Variants in FAXC observed in about 807,000 individuals in gnomAD.
FAXC encodes failed axon connections homolog.
FAXC carries 10 observed loss-of-function variants against 41.9 expected under a neutral mutation model. That is an observed-to-expected ratio of 0.24 (90% confidence interval 0.15 to 0.41). The LOEUF (loss-of-function observed/expected upper bound fraction) is 0.41, where lower values mean the gene tolerates loss of function less well. FAXC is among the 10% of genes least tolerant of loss of function. The pLI is 1.00. For missense variants in FAXC, 399 were observed against 510.9 expected (o/e 0.78, Z 2.11); for synonymous variants, 183 against 183.8 (o/e 1.00, Z 0.03).
intron 5 of FAXC, among the ~76,000 whole-genome samples, chr6:99,288,787 C>T (rs1040973517): frequency 6.6e-6 from 1 of 151,750 alleles, no homozygotes; most frequent in South Asian, 2.1e-4. Flanking sequence ...ATAAGAGGAT[C>T]TGGAGAGTGA....
intron 4 of FAXC, among the ~76,000 whole-genome samples, chr6:99,293,665 A>AGTGTGTGT (rs55827992): frequency 0.032 from 3,999 of 123,106 alleles, 123 homozygotes; most frequent in African/African-American, 0.035. Flanking sequence ...CTCTATACAC[A>AGTGTGTGT]GTGTGTGTGT....
chr6:99,282,185 G>T (rs984749250), intron 5 of FAXC, among the ~76,000 whole-genome samples: 1 of 152,086 alleles, frequency 6.6e-6, no homozygotes, highest in African/African-American at 2.4e-5. Flanking sequence ...TATCAAGAGA[G>T]CTAATGCTGT....
At chr6:99,347,182 G>A (rs773125622) in intron 1 of FAXC, among the ~76,000 whole-genome samples, 17 of 152,062 alleles carry the variant, frequency 1.1e-4, no homozygotes, top group South Asian at 2.1e-4. Flanking sequence ...CCAGAGGATC[G>A]CTTGATCCCA....
At chr6:99,306,172 G>A (rs1356770190) in intron 4 of FAXC, among the ~76,000 whole-genome samples, 4 of 152,136 alleles carry the variant, frequency 2.6e-5, no homozygotes, top group African/African-American at 9.7e-5. Flanking sequence ...GGCAGGGGAA[G>A]AGTTAAGGCA....
At chr6:99,296,360 G>T (rs1212216033) in intron 4 of FAXC, among the ~76,000 whole-genome samples, 1 of 152,076 alleles carries the variant, frequency 6.6e-6, no homozygotes, top group Non-Finnish European at 1.5e-5. Flanking sequence ...GAGGCACTGT[G>T]AGCTTCATTT....
At chr6:99,304,925 G>C (rs1168328390) in intron 4 of FAXC, among the ~76,000 whole-genome samples, 1 of 152,224 alleles carries the variant, frequency 6.6e-6, no homozygotes, top group Non-Finnish European at 1.5e-5. Context: ...GGGAGGTTAG[G>C]AAGAACCTTA....
At chr6:99,286,030 C>T (rs1771017223) in intron 5 of FAXC, among the ~76,000 whole-genome samples, 1 of 152,200 alleles carries the variant, frequency 6.6e-6, no homozygotes, top group African/African-American at 2.4e-5. Context: ...CCTGCCAGCC[C>T]TTGGTCACGA....
intron 4 of FAXC, among the ~76,000 whole-genome samples, chr6:99,311,212 A>G (rs1772141645): frequency 6.6e-6 from 1 of 152,158 alleles, no homozygotes; most frequent in East Asian, 1.9e-4. Flanking sequence ...GAGACAACCA[A>G]TCTCTACTTT....
Position 99,297,507 on chromosome 6 carries a change from G to A in FAXC, c.824-5687C>T, listed in dbSNP as rs141873307. On this transcript the variant is annotated intron_variant, in intron 4 of 5. Transcript: ENST00000389677. ...GAGCAAGGGAACCAAGAGAATAGGA[G>A]GGGACAAGCAGAGAGCCACATGCCC... Among the ~76,000 whole-genome samples the A allele has an allele frequency of 1.2e-3, 179 of 152,258 alleles. 1 individual carries two copies. Among genetic ancestry groups the A allele is most frequent in the East Asian group, 8.9e-3 (46 of 5,158 alleles).
At chr6:99,314,060 T>C (rs577769371) in intron 4 of FAXC, among the ~76,000 whole-genome samples, 2 of 152,242 alleles carry the variant, frequency 1.3e-5, no homozygotes, top group East Asian at 3.9e-4. Context: ...CTATTCACAG[T>C]TGTAATCACA....
intron 5 of FAXC, among the ~76,000 whole-genome samples, chr6:99,286,280 C>T (rs988746432): frequency 2.0e-5 from 3 of 152,112 alleles, no homozygotes; most frequent in Admixed American, 2.0e-4. Context: ...CTCCTCGAAG[C>T]TAAAAAATAT....
intron 4 of FAXC, among the ~76,000 whole-genome samples, chr6:99,302,482 C>T (rs2128453557): frequency 6.6e-6 from 1 of 152,204 alleles, no homozygotes; most frequent in East Asian, 1.9e-4. Context: ...ATGGTGAAAC[C>T]CTGTCTTTAC....
chr6:99,286,789 T>C (rs1038133188), intron 5 of FAXC, among the ~76,000 whole-genome samples: 1 of 152,208 alleles, frequency 6.6e-6, no homozygotes, highest in Non-Finnish European at 1.5e-5. Flanking sequence ...AACTCCACAT[T>C]AGGAATGTTG....
intron 3 of FAXC, among the ~76,000 whole-genome samples, chr6:99,326,417 A>T (rs1203200660): frequency 2.0e-5 from 3 of 152,186 alleles, no homozygotes; most frequent in African/African-American, 7.2e-5. Flanking sequence ...CTAAAATGAT[A>T]GTTTGAGTGG....
intron 3 of FAXC, among the ~76,000 whole-genome samples, chr6:99,329,291 A>G (rs757443684): frequency 1.3e-5 from 2 of 152,266 alleles, no homozygotes; most frequent in Non-Finnish European, 2.9e-5. Flanking sequence ...ACAGAGGAAC[A>G]AAACCTGCTC....
At position 99,275,907 on chromosome 6, in the gene FAXC, T is replaced by C. The variant is rs1770589914; in HGVS notation, c.*5257A>G. ...CCCAACAAGGGAATCCTTTTGAACT[T>C]CCCAAGTTATATCCAGACCACTGGA... On this transcript the variant is annotated 3_prime_UTR_variant, in exon 6 of 6. Coordinates refer to ENST00000389677, the MANE Select transcript of FAXC (RefSeq NM_032511.4). The C allele has an allele frequency of 6.6e-6, 1 of 152,018 alleles. No homozygotes were observed. The highest frequency in any genetic ancestry group is 1.9e-4 in the East Asian group (1 of 5,180). 9.4% of individuals were successfully genotyped at this position (152,018 alleles called of 1,614,324 possible).
Position 99,295,181 on chromosome 6 carries a change from T to A in FAXC, c.824-3361A>T, listed in dbSNP as rs141474501. Among the ~76,000 whole-genome samples, 719 of 152,334 alleles carry A rather than the reference T, an allele frequency of 4.7e-3. 2 individuals carry two copies. Among genetic ancestry groups the A allele is most frequent in the African/African-American group, 0.016 (647 of 41,576 alleles). ...AAAAATATAGGTGGAATTTAGTATC[T>A]GTGGAAAATGCTGAGTGGCAGATCT... On this transcript the variant is annotated intron_variant, in intron 4 of 5. Coordinates refer to ENST00000389677, the MANE Select transcript of FAXC (RefSeq NM_032511.4).
At chr6:99,327,844 C>A (rs1485900292) in intron 3 of FAXC, among the ~76,000 whole-genome samples, 2 of 152,148 alleles carry the variant, frequency 1.3e-5, no homozygotes, top group African/African-American at 4.8e-5. Context: ...CAGCCAGTCA[C>A]CCTGTGAATT....
chr6:99,341,141 T>A (rs1263447823), intron 2 of FAXC, among the ~76,000 whole-genome samples: 2 of 152,216 alleles, frequency 1.3e-5, no homozygotes, highest in Middle Eastern at 3.4e-3. Flanking sequence ...CAAATTTGGG[T>A]CTTAAGAGTA....
Sources: gnomAD v4.1 joint callset for allele counts (sites outside exome capture counted in the v4.1 genomes callset) on GRCh38, gnomAD v4.1.1 for gene constraint, MANE v1.5 for transcripts, NCBI Gene and HGNC (gene_info 2026-07-23, HGNC 2026-07-21) for gene names.